Variants in SLC16A10 observed in about 807,000 individuals in gnomAD.
The protein encoded by SLC16A10 is solute carrier family 16 member 10, also known as monocarboxylate transporter 10.
A neutral mutation model predicts 40.0 loss-of-function variants in SLC16A10; 27 were observed. The observed-to-expected ratio is 0.67, with a 90% CI of 0.50 to 0.93. The LOEUF (loss-of-function observed/expected upper bound fraction) is 0.93. Ranked by LOEUF, SLC16A10 falls within the 40% of genes least tolerant of loss-of-function variation. The pLI is 0.00. For missense variants in SLC16A10, 529 were observed against 658.2 expected (o/e 0.80, Z 2.15); for synonymous variants, 213 against 249.8 (o/e 0.85, Z 1.39).
intron 1 of SLC16A10, among the ~76,000 whole-genome samples, chr6:111,127,848 A>G (rs779677750): frequency 6.6e-6 from 1 of 152,192 alleles, no homozygotes; most frequent in Non-Finnish European, 1.5e-5. Flanking sequence ...TAGACACAAA[A>G]TAGGGATTAG....
intron 1 of SLC16A10, among the ~76,000 whole-genome samples, chr6:111,153,219 T>A (rs1772204872): frequency 2.0e-5 from 3 of 152,134 alleles, no homozygotes; most frequent in Admixed American, 1.3e-4. Context: ...TTCCCTAGCT[T>A]AGGTGCACTG....
At position 111,230,586 on chromosome 6, in the gene SLC16A10, A is replaced by G. The variant is rs1180852988; in HGVS notation, c.*8351A>G. On this transcript the variant is annotated 3_prime_UTR_variant, in exon 6 of 6. Coordinates refer to ENST00000368851, the MANE Select transcript of SLC16A10 (RefSeq NM_018593.5). ...AACTTAATGTGGTTTGAGATGTGTA[A>G]GATTGTAGAGGCATTGCACAATGCT... 6.6e-6 allele frequency: 1 copy of G among 152,174 alleles called. No homozygotes were observed. Among genetic ancestry groups the G allele is most frequent in the Non-Finnish European group, 1.5e-5 (1 of 68,036 alleles). The allele number at this position is 152,174 out of a possible 1,614,324, so 9.4% of individuals were successfully genotyped here.
intron 1 of SLC16A10, among the ~76,000 whole-genome samples, chr6:111,126,430 T>C (rs1771675337): frequency 6.6e-6 from 1 of 152,176 alleles, no homozygotes; most frequent in Admixed American, 6.5e-5. Context: ...TGCAGCTGAA[T>C]GGTAAGTAGG....
At position 111,222,829 on chromosome 6, in the gene SLC16A10, T is replaced by C. The variant is rs937998951; in HGVS notation, c.*594T>C. The C allele has an allele frequency of 6.5e-6, 1 of 152,980 alleles. No individual in the cohort carries two copies. Among genetic ancestry groups the C allele is most frequent in the African/African-American group, 2.4e-5 (1 of 41,452 alleles). 9.5% of individuals were successfully genotyped at this position (152,980 alleles called of 1,614,324 possible). Reference sequence around the variant, plus strand: ...CTTCTGGGAGCAGGTGCTAACATAGTGTTCAGAATCAATATGTGAGATGAA... The same window carrying C: ...CTTCTGGGAGCAGGTGCTAACATAGCGTTCAGAATCAATATGTGAGATGAA... On this transcript the variant is annotated 3_prime_UTR_variant, in exon 6 of 6. Transcript: ENST00000368851.
chr6:111,208,134 A>T (rs1307896031), intron 4 of SLC16A10, among the ~76,000 whole-genome samples: 1 of 151,886 alleles, frequency 6.6e-6, no homozygotes, highest in Non-Finnish European at 1.5e-5. Flanking sequence ...ATGCCTGGCT[A>T]ATTTTTGTTT....
chr6:111,201,112 A>G, intron 3 of SLC16A10, among the ~76,000 whole-genome samples: 1 of 152,212 alleles, frequency 6.6e-6, no homozygotes, highest in African/African-American at 2.4e-5. Context: ...TCTCCTAGAC[A>G]TAAAATGAGT....
chr6:111,116,063 A>G (rs1771481029), intron 1 of SLC16A10, among the ~76,000 whole-genome samples: 3 of 152,184 alleles, frequency 2.0e-5, no homozygotes. Context: ...AATTTGGGCA[A>G]GACCAATTTT....
chr6:111,092,315 G>GGT (rs1770990515), intron 1 of SLC16A10, among the ~76,000 whole-genome samples: 1 of 98,594 alleles, frequency 1.0e-5, no homozygotes, highest in African/African-American at 4.1e-5. Flanking sequence ...TTTTTTTGTT[G>GGT]TTTTTTTTTT....
At chr6:111,190,891 A>T (rs1023933807) in intron 3 of SLC16A10, among the ~76,000 whole-genome samples, 3 of 152,238 alleles carry the variant, frequency 2.0e-5, no homozygotes, top group South Asian at 2.1e-4. Flanking sequence ...GGTCTCTGAC[A>T]TGCCTTGGGG....
At position 111,228,047 on chromosome 6, in the gene SLC16A10, G is replaced by C. The variant is rs958677868; in HGVS notation, c.*5812G>C. 1.1e-4 allele frequency: 16 copies of C among 152,160 alleles called. No individual in the cohort carries two copies. Among genetic ancestry groups the C allele is most frequent in the Non-Finnish European group, 2.4e-4 (16 of 68,018 alleles). 9.4% of individuals were successfully genotyped at this position (152,160 alleles called of 1,614,324 possible). ...ACAAAAAAGGAATAACAACTAATATGGCCTGTGGATCTGACAAAGAAAAAC... is the reference window on the plus strand; with the variant it reads ...ACAAAAAAGGAATAACAACTAATATCGCCTGTGGATCTGACAAAGAAAAAC... On this transcript the variant is annotated 3_prime_UTR_variant, in exon 6 of 6. Coordinates refer to ENST00000368851, the MANE Select transcript of SLC16A10 (RefSeq NM_018593.5).
At chr6:111,139,994 G>T (rs902361977) in intron 1 of SLC16A10, among the ~76,000 whole-genome samples, 16 of 152,084 alleles carry the variant, frequency 1.1e-4, no homozygotes, top group Admixed American at 1.0e-3. Context: ...ACAGACACTG[G>T]GATCTACTTG....
rs1770938696 is a variant in SLC16A10, at chr6:111,223,419, ATG to A, written c.*1185_*1186del. 1 of 152,162 alleles carries A rather than the reference ATG, an allele frequency of 6.6e-6. No individual in the cohort carries two copies. Among genetic ancestry groups the A allele is most frequent in the Non-Finnish European group, 1.5e-5 (1 of 68,024 alleles). 9.4% of individuals were successfully genotyped at this position (152,162 alleles called of 1,614,324 possible). A position where few individuals can be genotyped will look rare whatever the true frequency, so the allele number is the denominator to read the frequency against. Reference sequence around the variant, plus strand: ...GAGGACCCAAAATAAAACCAAAGTCATGCCATGACCCATACTCATTTACAAAA... The same window carrying A: ...GAGGACCCAAAATAAAACCAAAGTCACCATGACCCATACTCATTTACAAAA... On this transcript the variant is annotated 3_prime_UTR_variant, in exon 6 of 6. Coordinates refer to ENST00000368851, the MANE Select transcript of SLC16A10 (RefSeq NM_018593.5).
intron 4 of SLC16A10, among the ~76,000 whole-genome samples, chr6:111,214,983 G>A (rs1773397821): frequency 6.6e-6 from 1 of 152,048 alleles, no homozygotes; most frequent in Non-Finnish European, 1.5e-5. Context: ...GCCAGGCGTG[G>A]TAGTGGGCGC....
chr6:111,172,819 C>T lies in SLC16A10; in HGVS notation c.468C>T (p.Leu156=). 3 of 1,614,024 alleles carry T rather than the reference C, an allele frequency of 1.9e-6. No individual in the cohort carries two copies. Among genetic ancestry groups the T allele is most frequent in the Middle Eastern group, 1.7e-4 (1 of 6,058 alleles). The change falls in exon 2 of 6, where the codon CTC becomes CTT. Residue 156 remains leucine (L), a synonymous_variant. Coordinates refer to ENST00000368851, the MANE Select transcript of SLC16A10 (RefSeq NM_018593.5). ...VVGAAVGFVG[L]MSSSFVSSIE... is the part of the protein sequence containing the mutation. The stretch of plus-strand genomic sequence containing the variant: ...GTGCTGCTGTTGGATTTGTTGGGCT[C>T]ATGTCCAGTTCTTTTGTAAGGTAAG...
Position 111,223,836 on chromosome 6 carries a change from G to A in SLC16A10, c.*1601G>A, listed in dbSNP as rs2114598965. On this transcript the variant is annotated 3_prime_UTR_variant, in exon 6 of 6. Coordinates refer to ENST00000368851, the MANE Select transcript of SLC16A10 (RefSeq NM_018593.5). ...TAATTTTGGCTGGGTAAGGTGGCTT[G>A]CGCCTATAATCCCAGCACTTTGGGA... 2 of 152,376 alleles carry A rather than the reference G, an allele frequency of 1.3e-5. No individual in the cohort carries two copies. The highest frequency in any genetic ancestry group is 4.1e-4 in the South Asian group (2 of 4,822). 9.4% of individuals were successfully genotyped at this position (152,376 alleles called of 1,614,324 possible).
chr6:111,151,397 A>T (rs1389803488), intron 1 of SLC16A10, among the ~76,000 whole-genome samples: 1 of 151,724 alleles, frequency 6.6e-6, no homozygotes, highest in African/African-American at 2.4e-5. Flanking sequence ...ACCTATTGCC[A>T]CTCCCTTCAT....
chr6:111,209,622 G>T (rs543349097), intron 4 of SLC16A10, among the ~76,000 whole-genome samples: 7 of 152,250 alleles, frequency 4.6e-5, no homozygotes, highest in African/African-American at 1.7e-4. Context: ...AGGCCTGTGG[G>T]TTAGGAAGCC....
At chr6:111,186,278 T>C (rs949971184) in intron 3 of SLC16A10, among the ~76,000 whole-genome samples, 11 of 152,234 alleles carry the variant, frequency 7.2e-5, no homozygotes, top group African/African-American at 2.2e-4. Context: ...TTGAATCATC[T>C]CAAATTTCAT....
chr6:111,146,155 A>G (rs1379060039), intron 1 of SLC16A10, among the ~76,000 whole-genome samples: 3 of 152,258 alleles, frequency 2.0e-5, no homozygotes, highest in Admixed American at 6.5e-5. Flanking sequence ...AAGGATTTGA[A>G]TAGACATTTC....
Sources: allele counts gnomAD v4.1 joint callset (sites outside exome capture counted in the v4.1 genomes callset), GRCh38; gene constraint gnomAD v4.1.1; transcripts MANE v1.5; gene names NCBI Gene and HGNC (gene_info 2026-07-23, HGNC 2026-07-21).